The following PHF20L1 variants were observed in gnomAD, a reference collection of about 807,000 sequenced individuals.
The protein encoded by PHF20L1 is PHD finger protein 20 like 1.
PHF20L1 carries 44 observed loss-of-function variants against 125.5 expected under a neutral mutation model. The ratio of observed to expected loss-of-function variants is 0.35; its 90% confidence interval spans 0.28 to 0.45. The LOEUF is 0.45. Ranked by LOEUF, PHF20L1 falls within the 20% of genes least tolerant of loss-of-function variation. The probability of loss-of-function intolerance (pLI) is 1.00; values close to 1 mark genes in which losing one functional copy is unlikely to be tolerated. For synonymous variants in PHF20L1, 380 were observed against 403.1 expected (o/e 0.94, Z 0.69); for missense variants, 1,012 against 1,217.2 (o/e 0.83, Z 2.51).
At position 132,777,990 on chromosome 8, in the gene PHF20L1, A is replaced by C. The variant is rs566313772; in HGVS notation, c.83+79A>C. 1.1e-4 allele frequency: 95 copies of C among 862,266 alleles called. No individual in the cohort carries two copies. In the South Asian group the frequency reaches 1.3e-3, roughly 12 times the overall value. The allele number at this position is 862,266 out of a possible 1,614,324, so 53.4% of individuals were successfully genotyped here. On this transcript the variant is annotated intron_variant, in intron 2 of 20. Transcript: ENST00000395386. The stretch of plus-strand genomic sequence containing the variant: ...TATGTTAATTAAAACAGTAAATTCC[A>C]CTGATGGTAGCAGAAACATCAGTGT...
At chr8:132,813,101 G>C (rs1305899485) in intron 9 of PHF20L1, 36 of 966,062 alleles carry the variant, frequency 3.7e-5, no homozygotes, top group Non-Finnish European at 4.3e-5. Flanking sequence ...TTAAAATCTT[G>C]TTTTATAACT....
At chr8:132,838,085 ACTT>A (rs1418959691) in intron 17 of PHF20L1, 24 of 268,428 alleles carry the variant, frequency 8.9e-5, no homozygotes, top group African/African-American at 1.7e-4. Context: ...GACTCACTGT[ACTT>A]CTTGGTCAAT....
intron 14 of PHF20L1, among the ~76,000 whole-genome samples, chr8:132,827,644 GAGA>G (rs1210648563): frequency 6.6e-6 from 1 of 151,968 alleles, no homozygotes; most frequent in Non-Finnish European, 1.5e-5. Flanking sequence ...TGTAACTTGA[GAGA>G]AGGAGGAGCA....
chr8:132,841,214 A>G (rs1244075720), intron 18 of PHF20L1, among the ~76,000 whole-genome samples: 2 of 152,064 alleles, frequency 1.3e-5, no homozygotes, highest in African/African-American at 4.8e-5. Context: ...TGAAAGTCCT[A>G]CACGTCATGT....
At chr8:132,806,884 G>C (rs1387630545) in intron 8 of PHF20L1, 1 of 151,918 alleles carries the variant, frequency 6.6e-6, no homozygotes, top group Non-Finnish European at 1.5e-5. Context: ...TTTTTTTAAA[G>C]AGTTCTAACT....
intron 14 of PHF20L1, chr8:132,826,576 T>G (rs1836204759): frequency 1.3e-5 from 2 of 152,024 alleles, no homozygotes; most frequent in Admixed American, 1.3e-4. Flanking sequence ...GAAGAAAACA[T>G]AATATTTCAC....
At chr8:132,775,689 G>T in intron 1 of PHF20L1, 44 bp downstream of exon 1, 1 of 326,620 alleles carries the variant, frequency 3.1e-6, no homozygotes, top group Non-Finnish European at 5.5e-6. Flanking sequence ...CCTGGCCCCC[G>T]CCGGGCCGCC....
chr8:132,838,092 G>A, intron 17 of PHF20L1: 2 of 243,558 alleles, frequency 8.2e-6, no homozygotes, highest in East Asian at 7.7e-5. Context: ...TGTACTTCTT[G>A]GTCAATTAGA....
In PHF20L1 at chr8:132,781,092, C is replaced by A. The variant is rs1830375474; in HGVS notation, c.83+3181C>A. Among the ~76,000 whole-genome samples, 3 of 152,006 alleles carry A rather than the reference C, an allele frequency of 2.0e-5. No homozygotes were observed. The South Asian group carries it at 6.2e-4, about 31-fold the overall frequency. On this transcript the variant is annotated intron_variant, in intron 2 of 20. Transcript: ENST00000395386. ...TCTGGAATTCCTGGCCTCAAATGAT[C>A]CTCCCACCTCAGCCTCCCAAAGTGT...
At position 132,840,088 on chromosome 8, in the gene PHF20L1, T is replaced by C. The variant is rs551998497; in HGVS notation, c.2387+506T>C. Among the ~76,000 whole-genome samples, 3 of 152,234 alleles carry C rather than the reference T, an allele frequency of 2.0e-5. No homozygotes were observed. In the South Asian group the frequency reaches 6.2e-4, roughly 32 times the overall value. ...CTTAAACAAGTCTTTAAAGAACGTA[T>C]CAGAATATTCTTGAAGTCCTTATTT... On this transcript the variant is annotated intron_variant, in intron 18 of 20. Transcript: ENST00000395386.
At chr8:132,794,127 A>G (rs1436894160) in intron 2 of PHF20L1, among the ~76,000 whole-genome samples, 1 of 152,138 alleles carries the variant, frequency 6.6e-6, no homozygotes. Flanking sequence ...GAAAGTAGGA[A>G]TATGTTTAAG....
At chr8:132,815,968 A>C (rs546836061) in intron 10 of PHF20L1, 1 of 151,912 alleles carries the variant, frequency 6.6e-6, no homozygotes, top group Admixed American at 6.6e-5. Flanking sequence ...ATATTATAGC[A>C]ATTAAATTTT....
intron 15 of PHF20L1, among the ~76,000 whole-genome samples, chr8:132,833,576 G>A (rs1169279207): frequency 6.6e-6 from 1 of 152,036 alleles, no homozygotes; most frequent in Non-Finnish European, 1.5e-5. Flanking sequence ...ATCCTGGCAA[G>A]ATACAACTTC....
At position 132,845,986 on chromosome 8, in the gene PHF20L1, G is replaced by T; in HGVS notation, c.*63G>T. On this transcript the variant is annotated 3_prime_UTR_variant, in exon 21 of 21. Coordinates refer to ENST00000395386, the MANE Select transcript of PHF20L1 (RefSeq NM_016018.5). Reference sequence around the variant, plus strand: ...CAGTCAAAGCATTTTTATTATCCACGTGATGGCTAAGTGGATAATTTAAAA... The same window carrying T: ...CAGTCAAAGCATTTTTATTATCCACTTGATGGCTAAGTGGATAATTTAAAA... The T allele has an allele frequency of 7.1e-6, 9 of 1,264,106 alleles. No homozygotes were observed. Among genetic ancestry groups the T allele is most frequent in the Non-Finnish European group, 9.1e-6 (8 of 882,926 alleles). The allele number at this position is 1,264,106 out of a possible 1,614,324, so 78.3% of individuals were successfully genotyped here. A position where few individuals can be genotyped will look rare whatever the true frequency, so the allele number is the denominator to read the frequency against.
intron 2 of PHF20L1, among the ~76,000 whole-genome samples, chr8:132,786,558 C>T (rs941855393): frequency 2.0e-5 from 3 of 151,918 alleles, no homozygotes. Flanking sequence ...GAAACACTGC[C>T]ATAAATGTAA....
chr8:132,810,987 A>T (rs952253385), intron 8 of PHF20L1, 59 bp from the exon 9 acceptor site: 5 of 1,036,348 alleles, frequency 4.8e-6, no homozygotes, highest in Non-Finnish European at 4.6e-6. Flanking sequence ...TTGCAAAGTT[A>T]ATTAGGGTGT....
At chr8:132,818,100 G>A (rs1347111902) in intron 12 of PHF20L1, 2 of 151,930 alleles carry the variant, frequency 1.3e-5, no homozygotes, top group African/African-American at 4.8e-5. Flanking sequence ...GATATTTATT[G>A]TAGTTCGAAA....
rs896054751 is a variant in PHF20L1 at position 132,845,920 on chromosome 8, A to T, written c.3051A>T (p.Val1017=). ...AGCAGATAGCAACTCTTTGCTCTGT[A>T]TGACAACAGTGAACACTTAATGAAA... ...KVQQIATLCS[V] is the part of the protein sequence containing the mutation. The change falls in exon 21 of 21, where the codon GTA becomes GTT. Residue 1017 remains valine, a synonymous_variant. Transcript: ENST00000395386. 1 of 1,610,748 alleles carries T rather than the reference A, an allele frequency of 6.2e-7. No individual in the cohort carries two copies. Among genetic ancestry groups the T allele is most frequent in the Non-Finnish European group, 8.5e-7 (1 of 1,177,684 alleles).
chr8:132,779,773 T>C (rs1302869922), intron 2 of PHF20L1, among the ~76,000 whole-genome samples: 1 of 152,202 alleles, frequency 6.6e-6, no homozygotes, highest in African/African-American at 2.4e-5. Flanking sequence ...AAAAAGAACT[T>C]TTAAAACCAT....
Sources: gnomAD v4.1 joint callset for allele counts (sites outside exome capture counted in the v4.1 genomes callset) on GRCh38, gnomAD v4.1.1 for gene constraint, MANE v1.5 for transcripts, NCBI Gene and HGNC (gene_info 2026-07-23, HGNC 2026-07-21) for gene names.